RAB3IP: variants seen among roughly 807,000 people sequenced by gnomAD.
RAB3IP encodes RAB3A interacting protein.
In RAB3IP, 36 loss-of-function variants were observed where a neutral mutation model predicts 59.1. The ratio of observed to expected loss-of-function variants is 0.61; its 90% CI spans 0.47 to 0.80. RAB3IP has a LOEUF of 0.80. RAB3IP is among the 30% of genes least tolerant of loss of function. The probability of loss-of-function intolerance (pLI) is 0.00; values close to 1 mark genes in which losing one functional copy is unlikely to be tolerated. For missense variants in RAB3IP, 511 were observed against 536.0 expected, an observed-to-expected ratio of 0.95 and a Z score of 0.46; for synonymous variants, 207 against 191.2, an observed-to-expected ratio of 1.08 and a Z score of -0.68.
At chr12:69,752,004 CTTTT>C (rs769835694) in intron 1 of RAB3IP, among the ~76,000 whole-genome samples, 1 of 129,492 alleles carries the variant, frequency 7.7e-6, no homozygotes, top group Non-Finnish European at 1.7e-5. Flanking sequence ...TTCTTTTGTT[CTTTT>C]TTTTTTTTTT....
intron 3 of RAB3IP, among the ~76,000 whole-genome samples, chr12:69,764,196 G>T (rs937221480): frequency 6.6e-6 from 1 of 152,124 alleles, no homozygotes; most frequent in Admixed American, 6.6e-5. Flanking sequence ...TGTTTCCTAG[G>T]TTTTTTTCTA....
chr12:69,759,875 C>T (rs1227996237), intron 3 of RAB3IP, among the ~76,000 whole-genome samples: 7 of 151,342 alleles, frequency 4.6e-5, no homozygotes, highest in East Asian at 2.0e-4. Flanking sequence ...CGGGCAGAGA[C>T]GCTCCTCACC....
At chr12:69,797,934 T>A (rs1877769723) in intron 6 of RAB3IP, among the ~76,000 whole-genome samples, 2 of 152,308 alleles carry the variant, frequency 1.3e-5, no homozygotes, top group Middle Eastern at 3.4e-3. Context: ...TGTTGGACAT[T>A]TGGGTTGGTT....
intron 4 of RAB3IP, among the ~76,000 whole-genome samples, chr12:69,786,854 TTTTCTAACCCAGTGGTG>T (rs1234155998): frequency 5.9e-5 from 9 of 152,306 alleles, no homozygotes; most frequent in African/African-American, 2.2e-4. Context: ...GTCTCTAACC[TTTTCTAACCCAGTGGTG>T]GCTGTTAGCA....
intron 6 of RAB3IP, chr12:69,796,536 C>A: frequency 2.0e-6 from 1 of 491,792 alleles, no homozygotes; most frequent in Non-Finnish European, 3.6e-6. Flanking sequence ...AATGTGTGTG[C>A]TTGTTAAATT....
At chr12:69,741,774 A>G (rs971199150) in intron 1 of RAB3IP, among the ~76,000 whole-genome samples, 10 of 152,338 alleles carry the variant, frequency 6.6e-5, no homozygotes, top group African/African-American at 2.4e-4. Flanking sequence ...CTTAACCACT[A>G]CACTCTGTCA....
intron 8 of RAB3IP, among the ~76,000 whole-genome samples, chr12:69,811,488 G>A (rs1880453401): frequency 6.6e-6 from 1 of 152,158 alleles, no homozygotes; most frequent in Non-Finnish European, 1.5e-5. Context: ...CAGTAGACCA[G>A]CAGGCATATG....
At chr12:69,803,016 G>A (rs1367573432) in intron 8 of RAB3IP, among the ~76,000 whole-genome samples, 1 of 152,074 alleles carries the variant, frequency 6.6e-6, no homozygotes, top group Non-Finnish European at 1.5e-5. Flanking sequence ...TTTAATCATA[G>A]CAGTTTTCTT....
chr12:69,798,418 A>C (rs1275407609), intron 6 of RAB3IP, among the ~76,000 whole-genome samples: 1 of 150,952 alleles, frequency 6.6e-6, no homozygotes. Flanking sequence ...TAGATTCTGG[A>C]TATTAGCCCT....
intron 6 of RAB3IP, among the ~76,000 whole-genome samples, chr12:69,797,868 G>A (rs929218584): frequency 5.3e-5 from 8 of 152,016 alleles, no homozygotes; most frequent in African/African-American, 1.9e-4. Context: ...ATTTTTTATG[G>A]CTACATAGTA....
At chr12:69,758,781 T>TTTTTTTC (rs398020051) in intron 3 of RAB3IP, among the ~76,000 whole-genome samples, 4 of 141,012 alleles carry the variant, frequency 2.8e-5, no homozygotes, top group Middle Eastern at 3.5e-3. Flanking sequence ...TTTTTTTTTT[T>TTTTTTTC]ACAAGTTTTA....
At chr12:69,795,120 C>T (rs764002033) in intron 5 of RAB3IP, 21 bp from the exon 6 acceptor site, 1 of 1,581,598 alleles carries the variant, frequency 6.3e-7, no homozygotes, top group South Asian at 1.1e-5. Context: ...ATGTATGTGA[C>T]TATGTTGATT....
intron 8 of RAB3IP, among the ~76,000 whole-genome samples, chr12:69,810,083 A>G (rs1337392355): frequency 6.6e-6 from 1 of 152,116 alleles, no homozygotes; most frequent in Non-Finnish European, 1.5e-5. Context: ...TTTGGTGCAG[A>G]TGTCCTTTCT....
intron 1 of RAB3IP, among the ~76,000 whole-genome samples, chr12:69,743,855 C>G (rs1887583677): frequency 8.5e-6 from 1 of 117,112 alleles, no homozygotes; most frequent in African/African-American, 3.7e-5. Context: ...CATTCCTTCT[C>G]TAAAGACTCT....
At chr12:69,782,344 T>G (rs1463739956) in intron 3 of RAB3IP, among the ~76,000 whole-genome samples, 1 of 152,176 alleles carries the variant, frequency 6.6e-6, no homozygotes, top group African/African-American at 2.4e-5. Flanking sequence ...TTTGTATTTT[T>G]AGTAGAGACG....
chr12:69,784,113 A>G (rs1339470786), intron 3 of RAB3IP, among the ~76,000 whole-genome samples: 1 of 152,224 alleles, frequency 6.6e-6, no homozygotes, highest in Non-Finnish European at 1.5e-5. Flanking sequence ...AAGGAATTTT[A>G]AAACATCTAT....
At chr12:69,788,763 C>T (rs1158356280) in intron 4 of RAB3IP, among the ~76,000 whole-genome samples, 5 of 152,086 alleles carry the variant, frequency 3.3e-5, no homozygotes, top group Admixed American at 6.5e-5. Context: ...ACATTCTTCT[C>T]AGGTGCACAT....
chr12:69,802,434 G>C (rs1878545269), intron 8 of RAB3IP, among the ~76,000 whole-genome samples: 1 of 152,194 alleles, frequency 6.6e-6, no homozygotes, highest in African/African-American at 2.4e-5. Context: ...TAGCAGGGCA[G>C]ACTTGTTTTC....
chr12:69,814,232 A>T (rs980715148), intron 10 of RAB3IP, among the ~76,000 whole-genome samples: 1 of 152,204 alleles, frequency 6.6e-6, no homozygotes. Context: ...GCTTGGAAAG[A>T]CAGAAAGATA....
Sources: allele counts gnomAD v4.1 joint callset (sites outside exome capture counted in the v4.1 genomes callset), GRCh38; gene constraint gnomAD v4.1.1; transcripts MANE v1.5; gene names NCBI Gene and HGNC (gene_info 2026-07-23, HGNC 2026-07-21).